MYH15: variants seen among roughly 807,000 people sequenced by gnomAD.
MYH15 encodes the protein myosin heavy chain 15.
Under a neutral mutation model 240.5 loss-of-function variants are expected in MYH15, and 227 were observed. That is an observed-to-expected ratio of 0.94 (90% CI 0.85 to 1.05). The LOEUF (loss-of-function observed/expected upper bound fraction) is 1.05, where lower values mean the gene tolerates loss of function less well. MYH15 is among the 50% of genes least tolerant of loss of function. The pLI is 0.00. For synonymous variants in MYH15, 785 were observed against 796.7 expected, an observed-to-expected ratio of 0.99 and a Z score of 0.25; for missense variants, 2,217 against 2,247.5, an observed-to-expected ratio of 0.99 and a Z score of 0.27.
At chr3:108,514,897 T>C (rs1229689914), upstream of MYH15, among the ~76,000 whole-genome samples, 1 of 152,192 alleles carries the variant, frequency 6.6e-6, no homozygotes, top group African/African-American at 2.4e-5. Context: ...TCCCCTAGGA[T>C]AGAACCCTTG....
In MYH15 at chr3:108,470,412, C is replaced by T. The variant is rs148685388; in HGVS notation, c.1384-200G>A. ...AAGTACAATTTTCTAAAGATTATTACAATAATATAGCACTTAATGGTATTA... is the reference window on the plus strand; with the variant it reads ...AAGTACAATTTTCTAAAGATTATTATAATAATATAGCACTTAATGGTATTA... On this transcript the variant is annotated intron_variant, in intron 13 of 40. Transcript: ENST00000693548. Among the ~76,000 whole-genome samples the T allele has an allele frequency of 5.3e-3, 802 of 152,098 alleles. 2 individuals are homozygous for T. The highest frequency in any genetic ancestry group is 0.03 in the South Asian group (144 of 4,804).
chr3:108,392,413 G>C (rs185001619), intron 36 of MYH15, among the ~76,000 whole-genome samples: 6 of 152,332 alleles, frequency 3.9e-5, no homozygotes, highest in Non-Finnish European at 8.8e-5. Context: ...GGCAGTAACA[G>C]ATGCTCTCAC....
At position 108,417,251 on chromosome 3, in the gene MYH15, G is replaced by A. The variant is rs550154341; in HGVS notation, c.3830-321C>T. On this transcript the variant is annotated intron_variant, in intron 28 of 40. Transcript: ENST00000693548. ...TCTAGTTTAATTTTCATAACTCCTTGATAGTGTAGGTATTATACTAACCAT... is the reference window on the plus strand; with the variant it reads ...TCTAGTTTAATTTTCATAACTCCTTAATAGTGTAGGTATTATACTAACCAT... Among the ~76,000 whole-genome samples the A allele has an allele frequency of 2.0e-5, 3 of 152,218 alleles. No homozygotes were observed. In the East Asian group the frequency reaches 5.8e-4, roughly 29 times the overall value.
intron 22 of MYH15, among the ~76,000 whole-genome samples, chr3:108,443,100 C>T (rs1324172272): frequency 6.6e-6 from 1 of 152,146 alleles, no homozygotes; most frequent in African/African-American, 2.4e-5. Flanking sequence ...GAGGCGAGGT[C>T]TCAACCAAAG....
intron 1 of MYH15, among the ~76,000 whole-genome samples, chr3:108,528,792 T>C (rs1461861337): frequency 6.6e-6 from 1 of 152,206 alleles, no homozygotes; most frequent in Non-Finnish European, 1.5e-5. Flanking sequence ...CTATAGACCA[T>C]GCTCTTAACT....
intron 1 of MYH15, among the ~76,000 whole-genome samples, chr3:108,508,104 T>A (rs2083492123): frequency 6.6e-6 from 1 of 152,082 alleles, no homozygotes; most frequent in South Asian, 2.1e-4. Context: ...ACTCTAGAAA[T>A]GAGATCATCC....
At chr3:108,494,366 G>T (rs2083376219) in intron 7 of MYH15, among the ~76,000 whole-genome samples, 1 of 151,944 alleles carries the variant, frequency 6.6e-6, no homozygotes. Context: ...CAGATTTCTT[G>T]ATTTTTTTGA....
At chr3:108,493,313 AAAAG>A (rs1346678997) in intron 7 of MYH15, 136 bp from the exon 8 acceptor site, 6 of 642,710 alleles carry the variant, frequency 9.3e-6, no homozygotes, top group East Asian at 5.7e-5. Context: ...ACAAAAAAAA[AAAAG>A]AAAGAAAGAA....
chr3:108,468,234 G>C (rs1392368832), intron 14 of MYH15, among the ~76,000 whole-genome samples: 1 of 152,174 alleles, frequency 6.6e-6, no homozygotes. Context: ...CCAAAGTGCT[G>C]GGATTACAGG....
At chr3:108,460,239 A>C (rs2083059218) in intron 17 of MYH15, 61 bp downstream of exon 17, 2 of 1,344,660 alleles carry the variant, frequency 1.5e-6, no homozygotes, top group East Asian at 4.7e-5. Flanking sequence ...ATGTCAACTA[A>C]ATAATAACAT....
At chr3:108,525,688 T>C (rs892577971) in intron 1 of MYH15, among the ~76,000 whole-genome samples, 1 of 152,092 alleles carries the variant, frequency 6.6e-6, no homozygotes, top group Non-Finnish European at 1.5e-5. Context: ...CTATTTTTAA[T>C]AAGATTACAC....
chr3:108,450,108 G>T (rs2107574761), intron 21 of MYH15, among the ~76,000 whole-genome samples: 1 of 152,186 alleles, frequency 6.6e-6, no homozygotes, highest in East Asian at 1.9e-4. Context: ...CTGTTGATGG[G>T]AATGTAAATT....
chr3:108,431,030 T>G, intron 25 of MYH15, 108 bp from the exon 26 acceptor site: 1 of 782,208 alleles, frequency 1.3e-6, no homozygotes, highest in Non-Finnish European at 2.1e-6. Flanking sequence ...ATGTTTGAGG[T>G]GATAGATATC....
intron 1 of MYH15, among the ~76,000 whole-genome samples, chr3:108,527,817 T>TTTTCTCA (rs1358451559): frequency 2.0e-5 from 3 of 152,198 alleles, no homozygotes; most frequent in African/African-American, 7.2e-5. Flanking sequence ...TGGGCTATAG[T>TTTTCTCA]TTTCTCATCT....
In MYH15 at chr3:108,381,252, C is replaced by A; in HGVS notation, c.*293G>T. The A allele has an allele frequency of 2.1e-6, 1 of 470,870 alleles. No individual in the cohort carries two copies. Among genetic ancestry groups the A allele is most frequent in the Non-Finnish European group, 3.8e-6 (1 of 260,572 alleles). The allele number at this position is 470,870 out of a possible 1,614,324, so 29.2% of individuals were successfully genotyped here. ...TTAAGAGGAAATATGGACAAAGGAT[C>A]AAGTATTTATTCATTTTTTAAACAT... On this transcript the variant is annotated 3_prime_UTR_variant, in exon 41 of 41. Transcript: ENST00000693548.
upstream of MYH15, among the ~76,000 whole-genome samples, chr3:108,512,205 T>C (rs983083183): frequency 2.6e-5 from 4 of 152,314 alleles, no homozygotes; most frequent in African/African-American, 9.6e-5. Context: ...GTAATCATTA[T>C]AACAGCAATA....
upstream of MYH15, among the ~76,000 whole-genome samples, chr3:108,533,613 G>A (rs13323174): frequency 0.019 from 2,919 of 152,186 alleles, 105 homozygotes; most frequent in African/African-American, 0.067. Context: ...ATAGGGTAAG[G>A]TGCCAGACTG....
chr3:108,507,227 ATATATAT>A (rs2083484309), intron 1 of MYH15, among the ~76,000 whole-genome samples: 1 of 3,192 alleles, frequency 3.1e-4, no homozygotes, highest in Non-Finnish European at 8.0e-4. Context: ...AGGAAAATGA[ATATATAT>A]ATATATATAT....
chr3:108,463,157 G>A lies in MYH15; in HGVS notation c.1818C>T (p.Asn606=). 1 of 1,612,918 alleles carries A rather than the reference G, an allele frequency of 6.2e-7. No homozygotes were observed. The highest frequency in any genetic ancestry group is 8.5e-7 in the Non-Finnish European group (1 of 1,179,416). The change falls in exon 16 of 41, where the codon AAC becomes AAT. Residue 606 remains asparagine (N), a synonymous_variant. Transcript: ENST00000693548. ...TVVAVFQKSS[N]RLLASLFENY... is the part of the protein sequence containing the mutation. The stretch of plus-strand genomic sequence containing the variant: ...TTTCAAAAAGGCTCGCCAGGAGTCT[G>A]TTGGAAGACTTCTGAAATACAGCTA...
Sources: allele counts gnomAD v4.1 joint callset (sites outside exome capture counted in the v4.1 genomes callset), GRCh38; gene constraint gnomAD v4.1.1; transcripts MANE v1.5; gene names NCBI Gene and HGNC (gene_info 2026-07-23, HGNC 2026-07-21).